The following DLGAP1 variants were observed in gnomAD, a reference collection of about 807,000 sequenced individuals.
The protein encoded by DLGAP1 is disks large-associated protein 1.
Under a neutral mutation model 90.8 loss-of-function variants are expected in DLGAP1, and 11 were observed. The observed-to-expected ratio is 0.12, with a 90% CI of 0.08 to 0.20. The LOEUF (loss-of-function observed/expected upper bound fraction) is 0.20, where lower values mean the gene tolerates loss of function less well. Among genes scored for constraint, DLGAP1 ranks in the 10% least tolerant of loss-of-function variants. The pLI, the probability that DLGAP1 is intolerant of heterozygous loss-of-function variation, is 1.00. For synonymous variants in DLGAP1, 558 were observed against 540.7 expected, an observed-to-expected ratio of 1.03 and a Z score of -0.44; for missense variants, 1,050 against 1,333.8, an observed-to-expected ratio of 0.79 and a Z score of 3.31.
At chr18:3,837,056 C>G (rs2068430452) in intron 4 of DLGAP1, among the ~76,000 whole-genome samples, 1 of 152,208 alleles carries the variant, frequency 6.6e-6, no homozygotes, top group African/African-American at 2.4e-5. Flanking sequence ...TTAGATCCAA[C>G]TGCTACATGT....
intron 2 of DLGAP1, among the ~76,000 whole-genome samples, chr18:4,011,857 C>A (rs75581712): frequency 6.6e-6 from 1 of 151,812 alleles, no homozygotes; most frequent in Admixed American, 6.6e-5. Flanking sequence ...AACAACAACA[C>A]AAAACCAAAT....
intron 7 of DLGAP1, among the ~76,000 whole-genome samples, chr18:3,647,271 T>TA (rs1402977753): frequency 6.8e-6 from 1 of 147,706 alleles, no homozygotes; most frequent in African/African-American, 2.5e-5. Flanking sequence ...AATAAATAAA[T>TA]AAATAAAAAT....
At chr18:4,163,976 C>T (rs1215760449) in intron 1 of DLGAP1, among the ~76,000 whole-genome samples, 1 of 152,128 alleles carries the variant, frequency 6.6e-6, no homozygotes, top group African/African-American at 2.4e-5. Flanking sequence ...CATCCAGGGG[C>T]TTGGCCAGTG....
At chr18:3,910,081 T>A (rs573277048) in intron 3 of DLGAP1, among the ~76,000 whole-genome samples, 2 of 151,164 alleles carry the variant, frequency 1.3e-5, no homozygotes, top group South Asian at 4.2e-4. Context: ...GATTAAAAAC[T>A]TTTACAAGTT....
At chr18:3,909,913 C>A (rs1388249064) in intron 3 of DLGAP1, among the ~76,000 whole-genome samples, 1 of 151,992 alleles carries the variant, frequency 6.6e-6, no homozygotes, top group African/African-American at 2.4e-5. Context: ...ACACTCCCCA[C>A]AACCTATTTT....
In DLGAP1 at chr18:3,570,288, T is replaced by C. The variant is rs1455077125; in HGVS notation, c.1966-2707A>G. Among the ~76,000 whole-genome samples the C allele has an allele frequency of 4.6e-5, 7 of 151,828 alleles. No individual in the cohort carries two copies. In the South Asian group the frequency reaches 8.4e-4, roughly 18 times the overall value. On this transcript the variant is annotated intron_variant, in intron 8 of 12. Transcript: ENST00000315677. ...CCCTCTCCTTTTTCCTAAATTTTTT[T>C]TTTTTTTTGAGATGGAGTTTCACTC...
chr18:4,330,873 C>G (rs766911493), intron 1 of DLGAP1, among the ~76,000 whole-genome samples: 1 of 151,652 alleles, frequency 6.6e-6, no homozygotes, highest in Non-Finnish European at 1.5e-5. Context: ...ATAGTTTGTT[C>G]AAGTCTTCTA....
At chr18:3,977,812 T>C (rs2073628352) in intron 3 of DLGAP1, 1 of 390,690 alleles carries the variant, frequency 2.6e-6, no homozygotes. Flanking sequence ...GGCGACAACC[T>C]GGTGCTCAGT....
chr18:3,616,801 C>T lies in DLGAP1; in HGVS notation c.1592-34553G>A, dbSNP rs543439718. On this transcript the variant is annotated intron_variant, in intron 7 of 12. Coordinates refer to ENST00000315677, the MANE Select transcript of DLGAP1 (RefSeq NM_004746.4). Reference sequence around the variant, plus strand: ...AAACTGGAAAAAAAAAAGAGGTGGACGAATTCCCTTTTCCTTGAATCCGAG... The same window carrying T: ...AAACTGGAAAAAAAAAAGAGGTGGATGAATTCCCTTTTCCTTGAATCCGAG... 8.6e-5 allele frequency among the ~76,000 whole-genome samples: 13 copies of T among 151,944 alleles called. No homozygotes were observed. In the South Asian group the frequency reaches 1.9e-3, roughly 22 times the overall value.
intron 7 of DLGAP1, among the ~76,000 whole-genome samples, chr18:3,637,016 C>A (rs2058744911): frequency 6.6e-6 from 1 of 152,144 alleles, no homozygotes; most frequent in African/African-American, 2.4e-5. Flanking sequence ...AGCCACTGCG[C>A]CCGGCCACTT....
At chr18:3,939,964 T>C (rs1041701964) in intron 3 of DLGAP1, among the ~76,000 whole-genome samples, 2 of 152,222 alleles carry the variant, frequency 1.3e-5, no homozygotes, top group African/African-American at 4.8e-5. Flanking sequence ...CTACTATTCA[T>C]GCACCTGTTT....
At chr18:3,802,230 G>A (rs569362471) in intron 5 of DLGAP1, among the ~76,000 whole-genome samples, 4 of 150,152 alleles carry the variant, frequency 2.7e-5, no homozygotes, top group East Asian at 2.0e-4. Flanking sequence ...TGATCCGCCC[G>A]CCTCGGCCTC....
chr18:3,855,018 G>C (rs909333165), intron 4 of DLGAP1, among the ~76,000 whole-genome samples: 4 of 152,188 alleles, frequency 2.6e-5, no homozygotes, highest in African/African-American at 9.7e-5. Flanking sequence ...ATTCACAATA[G>C]CAAAGTCATG....
Position 3,880,043 on chromosome 18 carries a change from C to G in DLGAP1, c.26G>C (p.Ser9Thr), listed in dbSNP as rs774330072. Residue 9 changes from serine (S) to threonine (T), a missense_variant, in exon 4 of 13, where the codon AGC (serine) becomes ACC (threonine). By Grantham distance (58) the Ser-to-Thr change is moderately conservative. Coordinates refer to ENST00000315677, the MANE Select transcript of DLGAP1 (RefSeq NM_004746.4). The stretch of plus-strand genomic sequence containing the variant: ...GTCGCAGGTGACCCCGTGGTGATGG[C>G]TGCGGCTGCCTGATAGCCCTTTCAT... MKGLSGSR[S>T]HHHGVTCDSA... 6.2e-7 allele frequency: 1 copy of G among 1,603,582 alleles called. No homozygotes were observed. Among genetic ancestry groups the G allele is most frequent in the South Asian group, 1.1e-5 (1 of 90,998 alleles).
chr18:3,768,375 C>T (rs1326341710), intron 5 of DLGAP1, among the ~76,000 whole-genome samples: 1 of 151,910 alleles, frequency 6.6e-6, no homozygotes, highest in East Asian at 1.9e-4. Context: ...GTCAATTCTC[C>T]CCAAATTGAT....
At chr18:3,628,503 AT>A (rs1478126228) in intron 7 of DLGAP1, among the ~76,000 whole-genome samples, 1 of 152,128 alleles carries the variant, frequency 6.6e-6, no homozygotes. Flanking sequence ...TTAAAGAATA[AT>A]TACAAAATGA....
chr18:3,892,166 C>G (rs912642678), intron 3 of DLGAP1, among the ~76,000 whole-genome samples: 2 of 129,182 alleles, frequency 1.5e-5, no homozygotes, highest in East Asian at 2.2e-4. Flanking sequence ...CACACACACA[C>G]AGTCTTTCAT....
intron 2 of DLGAP1, among the ~76,000 whole-genome samples, chr18:4,054,158 C>T (rs2075178325): frequency 6.6e-6 from 1 of 152,158 alleles, no homozygotes; most frequent in Non-Finnish European, 1.5e-5. Flanking sequence ...CACTCGCTCC[C>T]TGATCTTTTA....
chr18:4,174,340 T>C (rs960833000), intron 1 of DLGAP1, among the ~76,000 whole-genome samples: 35 of 152,000 alleles, frequency 2.3e-4, no homozygotes, highest in African/African-American at 8.5e-4. Flanking sequence ...TTATTTTTTA[T>C]TATTATTTTT....
Sources: gnomAD v4.1 joint callset for allele counts (sites outside exome capture counted in the v4.1 genomes callset) on GRCh38, gnomAD v4.1.1 for gene constraint, MANE v1.5 for transcripts, NCBI Gene and HGNC (gene_info 2026-07-23, HGNC 2026-07-21) for gene names.